MED13L: variants seen among roughly 807,000 people sequenced by gnomAD.
The protein encoded by MED13L is mediator of RNA polymerase II transcription subunit 13-like.
In MED13L, 7 loss-of-function variants were observed where a neutral mutation model predicts 220.9. The observed-to-expected ratio is 0.03, with a 90% CI of 0.02 to 0.06. The LOEUF is 0.06. Among genes scored for constraint, MED13L ranks in the 10% least tolerant of loss-of-function variants. The probability of loss-of-function intolerance (pLI) is 1.00; values close to 1 mark genes in which losing one functional copy is unlikely to be tolerated. For synonymous variants in MED13L, 1,011 were observed against 1,015.2 expected (o/e 1.00, Z 0.08); for missense variants, 1,965 against 2,760.5 (o/e 0.71, Z 6.46).
chr12:116,024,715 TGAA>T (rs1880263885), intron 4 of MED13L, among the ~76,000 whole-genome samples: 2 of 142,966 alleles, frequency 1.4e-5, no homozygotes, highest in South Asian at 2.2e-4. Context: ...TCAATGAATG[TGAA>T]GAAGGATTTC....
intron 2 of MED13L, among the ~76,000 whole-genome samples, chr12:116,170,144 G>A (rs1196697954): frequency 1.3e-5 from 2 of 152,134 alleles, no homozygotes; most frequent in African/African-American, 4.8e-5. Flanking sequence ...ACTGAGTTAT[G>A]CACAGATTCT....
At chr12:116,163,979 G>C (rs1413752618) in intron 2 of MED13L, among the ~76,000 whole-genome samples, 1 of 152,106 alleles carries the variant, frequency 6.6e-6, no homozygotes, top group African/African-American at 2.4e-5. Flanking sequence ...AACTGAAAAT[G>C]TTCTTCTTGG....
At chr12:116,199,888 G>A (rs1257002355) in intron 2 of MED13L, among the ~76,000 whole-genome samples, 1 of 151,878 alleles carries the variant, frequency 6.6e-6, no homozygotes, top group East Asian at 1.9e-4. Context: ...AATTTTCTCA[G>A]GAAAATAATT....
At chr12:116,261,157 T>C (rs1348069461) in intron 1 of MED13L, among the ~76,000 whole-genome samples, 1 of 152,164 alleles carries the variant, frequency 6.6e-6, no homozygotes, top group Non-Finnish European at 1.5e-5. Flanking sequence ...CCCACCTTTT[T>C]TCTGCCCCTC....
In MED13L at chr12:115,971,030, G is replaced by A. The variant is rs962618173; in HGVS notation, c.5891-260C>T. Among the ~76,000 whole-genome samples the A allele has an allele frequency of 3.3e-5, 5 of 152,164 alleles. No individual in the cohort carries two copies. In the East Asian group the frequency reaches 5.8e-4, roughly 18 times the overall value. On this transcript the variant is annotated intron_variant, in intron 26 of 30. Coordinates refer to ENST00000281928, the MANE Select transcript of MED13L (RefSeq NM_015335.5). ...TCCACTAAATGTTTTAATTACTTAC[G>A]TAAGAAGTATTTCTAAAAATAAACA...
At chr12:116,156,919 A>G (rs1199668827) in intron 2 of MED13L, among the ~76,000 whole-genome samples, 5 of 152,164 alleles carry the variant, frequency 3.3e-5, no homozygotes, top group Non-Finnish European at 7.3e-5. Context: ...TGAAAGAGCA[A>G]CTAGACAGAA....
intron 2 of MED13L, among the ~76,000 whole-genome samples, chr12:116,136,864 A>G (rs1205990102): frequency 1.3e-5 from 2 of 152,226 alleles, no homozygotes; most frequent in Non-Finnish European, 2.9e-5. Flanking sequence ...CACATATTAC[A>G]TGCACACTTT....
chr12:116,005,527 T>C (rs1328935221), intron 13 of MED13L, among the ~76,000 whole-genome samples: 1 of 152,198 alleles, frequency 6.6e-6, no homozygotes, highest in Admixed American at 6.5e-5. Context: ...GACAATGTAA[T>C]ACATTTCTAG....
intron 2 of MED13L, among the ~76,000 whole-genome samples, chr12:116,212,114 GA>G (rs761331504): frequency 1.4e-4 from 22 of 152,034 alleles, no homozygotes; most frequent in South Asian, 8.3e-4. Flanking sequence ...CTGCAAAAGT[GA>G]AATAACATAT....
At chr12:115,979,549 G>C (rs1459662493) in intron 23 of MED13L, among the ~76,000 whole-genome samples, 1 of 152,098 alleles carries the variant, frequency 6.6e-6, no homozygotes, top group Non-Finnish European at 1.5e-5. Context: ...TTTCTCCCTT[G>C]GGACTAAGCT....
At chr12:116,271,785 C>G (rs114658326) in intron 1 of MED13L, among the ~76,000 whole-genome samples, 2,845 of 152,130 alleles carry the variant, frequency 0.019, 52 homozygotes, top group Middle Eastern at 0.054. Flanking sequence ...GGTTGCAATG[C>G]ACAGTTCAAT....
chr12:115,974,420 G>T (rs1374447071), intron 25 of MED13L, among the ~76,000 whole-genome samples: 4 of 152,258 alleles, frequency 2.6e-5, no homozygotes, highest in Admixed American at 6.5e-5. Context: ...TACTTAATAA[G>T]GCTTTAAAAA....
chr12:116,177,251 C>T (rs1472839218), intron 2 of MED13L, among the ~76,000 whole-genome samples: 1 of 152,134 alleles, frequency 6.6e-6, no homozygotes, highest in Non-Finnish European at 1.5e-5. Context: ...TAAGCGTATA[C>T]ATGATCCTGA....
At chr12:115,971,808 G>C (rs1876604097) in intron 26 of MED13L, among the ~76,000 whole-genome samples, 1 of 152,030 alleles carries the variant, frequency 6.6e-6, no homozygotes, top group African/African-American at 2.4e-5. Flanking sequence ...AACAAACTGG[G>C]GTCAGGTAAC....
At chr12:116,018,153 G>A (rs769321869) in intron 7 of MED13L, among the ~76,000 whole-genome samples, 2 of 151,760 alleles carry the variant, frequency 1.3e-5, no homozygotes, top group Non-Finnish European at 2.9e-5. Context: ...ACAACAACAC[G>A]GTAAAGTATG....
chr12:116,208,223 G>A (rs1323446906), intron 2 of MED13L, among the ~76,000 whole-genome samples: 2 of 152,014 alleles, frequency 1.3e-5, no homozygotes, highest in Admixed American at 1.3e-4. Context: ...GGTGAAACCC[G>A]GTTTCTACTA....
chr12:116,135,566 T>C (rs1408294072), intron 2 of MED13L, among the ~76,000 whole-genome samples: 1 of 152,214 alleles, frequency 6.6e-6, no homozygotes, highest in South Asian at 2.1e-4. Flanking sequence ...ATGAAATGGT[T>C]GCCATTTTAT....
At chr12:116,012,955 G>A (rs1044925281) in intron 8 of MED13L, 54 bp from the exon 9 acceptor site, 2 of 1,288,160 alleles carry the variant, frequency 1.6e-6, no homozygotes, top group Non-Finnish European at 1.1e-6. Flanking sequence ...ATACCCCTGG[G>A]GAGAAAAATG....
intron 16 of MED13L, among the ~76,000 whole-genome samples, chr12:115,994,167 C>T (rs1878251256): frequency 6.6e-6 from 1 of 152,184 alleles, no homozygotes; most frequent in Non-Finnish European, 1.5e-5. Flanking sequence ...ACCTACATGC[C>T]AGGTGCAGTA....
Sources: gnomAD v4.1 joint callset for allele counts (sites outside exome capture counted in the v4.1 genomes callset) on GRCh38, gnomAD v4.1.1 for gene constraint, MANE v1.5 for transcripts, NCBI Gene and HGNC (gene_info 2026-07-23, HGNC 2026-07-21) for gene names.